Variants in FBXL5 observed in about 807,000 individuals in gnomAD.
FBXL5 encodes F-box/LRR-repeat protein 5.
FBXL5 carries 26 observed loss-of-function variants against 78.3 expected under a neutral mutation model. The ratio of observed to expected loss-of-function variants is 0.33; its 90% CI spans 0.24 to 0.46. The LOEUF (loss-of-function observed/expected upper bound fraction) is 0.46, where lower values mean the gene tolerates loss of function less well. FBXL5 is among the 20% of genes least tolerant of loss of function. The pLI is 1.00. For missense variants in FBXL5, 710 were observed against 829.2 expected (o/e 0.86, Z 1.77); for synonymous variants, 295 against 282.5 (o/e 1.04, Z -0.45).
At chr4:15,658,711 A>G (rs1275211217), upstream of FBXL5, among the ~76,000 whole-genome samples, 1 of 152,150 alleles carries the variant, frequency 6.6e-6, no homozygotes, top group African/African-American at 2.4e-5. Context: ...TTTATAAATT[A>G]CCCAGTTTCA....
intron 1 of FBXL5, among the ~76,000 whole-genome samples, chr4:15,674,616 A>G (rs1400896360): frequency 6.6e-6 from 1 of 151,064 alleles, no homozygotes; most frequent in Admixed American, 6.6e-5. Flanking sequence ...ACTCATTTCT[A>G]TCATCTTAGA....
chr4:15,673,041 G>A (rs1717830641), intron 1 of FBXL5, among the ~76,000 whole-genome samples: 1 of 152,178 alleles, frequency 6.6e-6, no homozygotes, highest in South Asian at 2.1e-4. Flanking sequence ...GCACAAAGCT[G>A]TCATCTATGA....
intron 1 of FBXL5, among the ~76,000 whole-genome samples, chr4:15,677,553 C>T (rs1016120548): frequency 1.3e-5 from 2 of 152,104 alleles, no homozygotes; most frequent in African/African-American, 4.8e-5. Flanking sequence ...AGACTGAGTT[C>T]AAATAAGTGA....
chr4:15,638,938 G>GTA (rs1361595277), intron 3 of FBXL5, among the ~76,000 whole-genome samples: 3 of 152,292 alleles, frequency 2.0e-5, no homozygotes, highest in South Asian at 2.1e-4. Flanking sequence ...GCCAAGGCGG[G>GTA]TAGGTCACCT....
At chr4:15,658,203 G>C (rs1343595923), upstream of FBXL5, among the ~76,000 whole-genome samples, 2 of 152,166 alleles carry the variant, frequency 1.3e-5, no homozygotes, top group African/African-American at 4.8e-5. Context: ...TCCCTAATAG[G>C]GGATTAGTTG....
intron 9 of FBXL5, among the ~76,000 whole-genome samples, chr4:15,613,906 T>C (rs1711525048): frequency 6.6e-6 from 1 of 152,174 alleles, no homozygotes. Context: ...TCCAGTAGCT[T>C]AGTAATTGAC....
At chr4:15,613,778 TGA>T (rs1375902830) in intron 9 of FBXL5, among the ~76,000 whole-genome samples, 2 of 152,196 alleles carry the variant, frequency 1.3e-5, no homozygotes, top group Non-Finnish European at 2.9e-5. Flanking sequence ...TTCCAGAAGC[TGA>T]GATTGTTTTT....
chr4:15,608,685 T>C (rs1156890052), intron 10 of FBXL5, among the ~76,000 whole-genome samples: 2 of 151,964 alleles, frequency 1.3e-5, no homozygotes, highest in Non-Finnish European at 2.9e-5. Flanking sequence ...AGAGAATATA[T>C]TGTTTTCAAA....
chr4:15,616,288 CT>C (rs1236099809), intron 9 of FBXL5, among the ~76,000 whole-genome samples: 1 of 152,258 alleles, frequency 6.6e-6, no homozygotes, highest in Admixed American at 6.5e-5. Context: ...CACATTATGG[CT>C]GCCTCTGCTC....
rs902702366 is a variant in FBXL5, at chr4:15,679,108, G to C, written c.-284+2275C>G. Among the ~76,000 whole-genome samples, 12 of 146,858 alleles carry C rather than the reference G, an allele frequency of 8.2e-5. No homozygotes were observed. The Admixed American group carries it at 8.2e-4, about 10-fold the overall frequency. On this transcript the variant is annotated intron_variant, in intron 1 of 4. Coordinates refer to the FBXL5 transcript ENST00000507899. ...TGAGACGGAGTCTCACTCTCACCAG[G>C]CTGGAGTGCAGCGGCGTGATCTCGG...
Position 15,625,766 on chromosome 4 carries a change from A to T in FBXL5, c.1336T>A (p.Cys446Ser). ...CCCTTGTTAGTTAAATCGTGCAAAC[A>T]GGCATACTGCTTGGTGGACTGCATG... The part of the protein sequence containing the change: ...ITMQSTKQYA[C>S]LHDLTNKGIG... The change falls in exon 9 of 11, where the codon TGT becomes AGT. Residue 446 changes from cysteine (C) to serine (S), a missense_variant. Physicochemically the swap from Cys to Ser is moderately radical, Grantham distance 112. This residue lies in a region of FBXL5 where 517 missense variants were observed against 542.9 expected (regional missense o/e 0.95). Transcript: ENST00000341285. 1 of 1,614,190 alleles carries T rather than the reference A, an allele frequency of 6.2e-7. No homozygotes were observed.
At chr4:15,657,665 T>A (rs1180036649), upstream of FBXL5, among the ~76,000 whole-genome samples, 1 of 152,270 alleles carries the variant, frequency 6.6e-6, no homozygotes, top group Non-Finnish European at 1.5e-5. Flanking sequence ...TCCCTGTGAG[T>A]AATTTTTCCC....
At chr4:15,658,194 C>A (rs533599581), upstream of FBXL5, among the ~76,000 whole-genome samples, 12 of 152,324 alleles carry the variant, frequency 7.9e-5, no homozygotes, top group East Asian at 2.3e-3. Context: ...ACAGCACTTT[C>A]CCTAATAGGG....
intron 6 of FBXL5, among the ~76,000 whole-genome samples, chr4:15,629,245 T>C (rs1713381782): frequency 6.6e-6 from 1 of 152,140 alleles, no homozygotes; most frequent in Non-Finnish European, 1.5e-5. Flanking sequence ...GTCTTTCCTC[T>C]GGCTATCTTC....
In FBXL5 at chr4:15,636,589, T is replaced by A; in HGVS notation, c.671A>T (p.Glu224Val). The A allele has an allele frequency of 6.2e-7, 1 of 1,614,054 alleles. No individual in the cohort carries two copies. The highest frequency in any genetic ancestry group is 8.5e-7 in the Non-Finnish European group (1 of 1,179,966). Residue 224 changes from glutamate (E) to valine (V), a missense_variant, in exon 5 of 11, where the codon GAG becomes GTG. By Grantham distance (121) the Glu-to-Val change is moderately radical (BLOSUM62 -2). Coordinates refer to ENST00000341285, the MANE Select transcript of FBXL5 (RefSeq NM_012161.4). ...GCTTACTTGACTGCATCGACATAAC[T>A]CTTGAGGATTAAGATAGCTGAAAAT... Reference protein sequence around the residue: ...LSIFSYLNPQELCRCSQVSMK... With the variant: ...LSIFSYLNPQVLCRCSQVSMK...
chr4:15,654,005 T>C (rs1158173191), intron 1 of FBXL5, among the ~76,000 whole-genome samples: 1 of 152,214 alleles, frequency 6.6e-6, no homozygotes, highest in Non-Finnish European at 1.5e-5. Context: ...TGGGTGTTTC[T>C]AAATTTTCAG....
intron 1 of FBXL5, among the ~76,000 whole-genome samples, chr4:15,669,225 C>G (rs1306767532): frequency 6.6e-6 from 1 of 152,176 alleles, no homozygotes; most frequent in African/African-American, 2.4e-5. Context: ...CATACTTTGG[C>G]TATATATACA....
At chr4:15,656,208 A>T (rs1716924698), upstream of FBXL5, 1 of 456,120 alleles carries the variant, frequency 2.2e-6, no homozygotes, top group Admixed American at 2.3e-5. Flanking sequence ...GGAGGTTCGG[A>T]GAGAAAACAA....
upstream of FBXL5, chr4:15,656,349 A>G (rs371839931): frequency 8.2e-5 from 37 of 450,550 alleles, no homozygotes; most frequent in East Asian, 1.3e-3. Context: ...ACTGCTGGAC[A>G]GATAGAGAAA....
Sources: allele counts gnomAD v4.1 joint callset (sites outside exome capture counted in the v4.1 genomes callset), GRCh38; gene constraint gnomAD v4.1.1; regional missense constraint gnomAD v4.1.1; transcripts MANE v1.5; gene names NCBI Gene and HGNC (gene_info 2026-07-23, HGNC 2026-07-21).